Variants in CTNNA2 observed in about 807,000 individuals in gnomAD.
CTNNA2 encodes the protein catenin alpha 2.
CTNNA2 carries 42 observed loss-of-function variants against 101.0 expected under a neutral mutation model. The observed-to-expected ratio is 0.42, with a 90% CI of 0.32 to 0.54. The LOEUF (loss-of-function observed/expected upper bound fraction) is 0.54. Ranked by LOEUF, CTNNA2 falls within the 20% of genes least tolerant of loss-of-function variation. The probability of loss-of-function intolerance (pLI) is 0.14; values close to 1 mark genes in which losing one functional copy is unlikely to be tolerated. For missense variants in CTNNA2, 871 were observed against 1,223.1 expected (o/e 0.71, Z 4.29); for synonymous variants, 450 against 456.4 (o/e 0.99, Z 0.18).
At chr2:80,520,355 C>A (rs1396283872) in intron 9 of CTNNA2, among the ~76,000 whole-genome samples, 1 of 152,052 alleles carries the variant, frequency 6.6e-6, no homozygotes, top group African/African-American at 2.4e-5. Context: ...AAGGAGAGAA[C>A]TGGAAAAATT....
intron 9 of CTNNA2, among the ~76,000 whole-genome samples, chr2:80,463,656 T>C (rs1361800660): frequency 6.6e-6 from 1 of 152,190 alleles, no homozygotes; most frequent in East Asian, 1.9e-4. Flanking sequence ...AAGCTTGTGA[T>C]GAAGCATTTC....
intron 2 of CTNNA2, among the ~76,000 whole-genome samples, chr2:79,269,959 G>A (rs1271710386): frequency 5.9e-5 from 9 of 152,080 alleles, no homozygotes; most frequent in African/African-American, 2.2e-4. Context: ...GTACAGGATG[G>A]CCACTGGTGG....
chr2:80,238,004 C>T (rs569344378), intron 7 of CTNNA2, among the ~76,000 whole-genome samples: 3 of 152,112 alleles, frequency 2.0e-5, no homozygotes, highest in Non-Finnish European at 2.9e-5. Context: ...ACTCCCCTGA[C>T]GTGTCTCTTA....
At chr2:80,257,955 A>C (rs75530985) in intron 7 of CTNNA2, among the ~76,000 whole-genome samples, 1 of 152,326 alleles carries the variant, frequency 6.6e-6, no homozygotes, top group Non-Finnish European at 1.5e-5. Context: ...GTCAAATTTA[A>C]AATTGTCACA....
intron 8 of CTNNA2, among the ~76,000 whole-genome samples, chr2:80,401,457 C>T (rs1177507513): frequency 6.6e-6 from 1 of 152,154 alleles, no homozygotes; most frequent in African/African-American, 2.4e-5. Flanking sequence ...ACTCAGTTGG[C>T]TTGAGAAGAC....
intron 18 of CTNNA2, among the ~76,000 whole-genome samples, chr2:80,641,320 G>A (rs1164346263): frequency 1.3e-5 from 2 of 152,064 alleles, no homozygotes; most frequent in Non-Finnish European, 2.9e-5. Flanking sequence ...TTGTGATTTG[G>A]ATTTTCATGA....
intron 4 of CTNNA2, among the ~76,000 whole-genome samples, chr2:79,393,350 T>G (rs572080482): frequency 6.6e-6 from 1 of 152,324 alleles, no homozygotes; most frequent in African/African-American, 2.4e-5. Context: ...CTGCAAACTG[T>G]GGCCTGTGGG....
At chr2:80,138,246 C>T (rs1286684755) in intron 7 of CTNNA2, among the ~76,000 whole-genome samples, 1 of 152,032 alleles carries the variant, frequency 6.6e-6, no homozygotes, top group Non-Finnish European at 1.5e-5. Flanking sequence ...GTTGCCTGAT[C>T]ACCTCTAATA....
intron 3 of CTNNA2, among the ~76,000 whole-genome samples, chr2:79,786,245 T>A (rs867537148): frequency 7.9e-5 from 12 of 152,110 alleles, no homozygotes; most frequent in South Asian, 2.1e-4. Flanking sequence ...GGTTTTTTTT[T>A]ATTTTATTCA....
chr2:79,818,017 C>T (rs1478165273), intron 3 of CTNNA2, among the ~76,000 whole-genome samples: 2 of 152,112 alleles, frequency 1.3e-5, no homozygotes, highest in African/African-American at 2.4e-5. Context: ...TTAATTTACT[C>T]GTTTTAATAA....
At chr2:79,219,030 T>C (rs941724990) in intron 2 of CTNNA2, among the ~76,000 whole-genome samples, 4 of 152,212 alleles carry the variant, frequency 2.6e-5, no homozygotes, top group Non-Finnish European at 4.4e-5. Context: ...GTATGTATAG[T>C]ACAAAATTGC....
chr2:80,153,338 C>T (rs1703818712), intron 7 of CTNNA2, among the ~76,000 whole-genome samples: 1 of 152,202 alleles, frequency 6.6e-6, no homozygotes, highest in South Asian at 2.1e-4. Flanking sequence ...AGTGCCATTA[C>T]TTCAGAGCTA....
chr2:79,701,000 G>T (rs1230109799), intron 2 of CTNNA2, among the ~76,000 whole-genome samples: 1 of 152,106 alleles, frequency 6.6e-6, no homozygotes, highest in Non-Finnish European at 1.5e-5. Context: ...TGGACAAGTT[G>T]TTTGTGGAGT....
chr2:79,803,231 C>A (rs1676300809), intron 3 of CTNNA2, among the ~76,000 whole-genome samples: 1 of 152,100 alleles, frequency 6.6e-6, no homozygotes, highest in Non-Finnish European at 1.5e-5. Flanking sequence ...CACTTTAATG[C>A]TGAGACCAGC....
chr2:79,620,518 C>T (rs1048110214), intron 1 of CTNNA2, among the ~76,000 whole-genome samples: 1 of 152,178 alleles, frequency 6.6e-6, no homozygotes, highest in African/African-American at 2.4e-5. Context: ...GGCTAAGGAC[C>T]TAGGCCTTGT....
intron 3 of CTNNA2, among the ~76,000 whole-genome samples, chr2:79,756,518 G>A (rs1672411585): frequency 6.6e-6 from 1 of 152,032 alleles, no homozygotes; most frequent in South Asian, 2.1e-4. Context: ...CTATGGAAGT[G>A]CAATTTAAAA....
chr2:79,719,108 G>A (rs1686307113), intron 2 of CTNNA2, among the ~76,000 whole-genome samples: 1 of 151,984 alleles, frequency 6.6e-6, no homozygotes, highest in African/African-American at 2.4e-5. Context: ...TGTGCTTAGT[G>A]TTTAGCTCCC....
intron 7 of CTNNA2, among the ~76,000 whole-genome samples, chr2:80,322,813 G>A (rs1475462800): frequency 2.0e-5 from 3 of 152,144 alleles, no homozygotes; most frequent in Non-Finnish European, 2.9e-5. Context: ...AATCAACCAG[G>A]GGCTGCCTCG....
intron 1 of CTNNA2, among the ~76,000 whole-genome samples, chr2:79,555,550 A>C (rs1415684689): frequency 2.0e-5 from 3 of 152,150 alleles, no homozygotes; most frequent in Non-Finnish European, 4.4e-5. Context: ...GAATTGTGTT[A>C]GAATATATTA....
Sources: gnomAD v4.1 joint callset for allele counts (sites outside exome capture counted in the v4.1 genomes callset) on GRCh38, gnomAD v4.1.1 for gene constraint, MANE v1.5 for transcripts, NCBI Gene and HGNC (gene_info 2026-07-23, HGNC 2026-07-21) for gene names.